Variants in DNAH6 observed in about 807,000 individuals in gnomAD.
DNAH6 encodes dynein axonemal heavy chain 6.
Under a neutral mutation model 491.4 loss-of-function variants are expected in DNAH6, and 340 were observed. The observed-to-expected ratio is 0.69, with a 90% CI of 0.63 to 0.76. The LOEUF is 0.76. Ranked by LOEUF, DNAH6 falls within the 30% of genes least tolerant of loss-of-function variation. DNAH6 has a pLI of 0.00. For missense variants in DNAH6, 4,443 were observed against 4,972.2 expected, an observed-to-expected ratio of 0.89 and a Z score of 3.20; for synonymous variants, 1,603 against 1,686.1, an observed-to-expected ratio of 0.95 and a Z score of 1.21.
At chr2:84,647,324 G>T (rs909330008) in intron 33 of DNAH6, among the ~76,000 whole-genome samples, 4 of 152,186 alleles carry the variant, frequency 2.6e-5, no homozygotes, top group African/African-American at 9.7e-5. Flanking sequence ...AAGTTATCCA[G>T]ATCTAGCTAA....
rs368161435 is a variant in DNAH6 at position 84,720,480 on chromosome 2, G to A, written c.9792+2096G>A. 2.3e-4 allele frequency among the ~76,000 whole-genome samples: 35 copies of A among 151,064 alleles called. No homozygotes were observed. The East Asian group carries it at 5.8e-3, about 25-fold the overall frequency. On this transcript the variant is annotated intron_variant, in intron 59 of 76. Coordinates refer to ENST00000389394, the MANE Select transcript of DNAH6 (RefSeq NM_001370.2). ...TTTTTAGTAGAGACGGGGTTTCACC[G>A]TTTTAGCTGGGATGGTCTTGATCTC...
In DNAH6 at chr2:84,547,321, T is replaced by C; in HGVS notation, c.984T>C (p.Phe328=). Residue 328 remains phenylalanine (F), a synonymous_variant, in exon 6 of 77, where the codon TTT becomes TTC. Coordinates refer to ENST00000389394, the MANE Select transcript of DNAH6 (RefSeq NM_001370.2). ...KINELCYHLS[F]MGLCYIEKCH... ...ATGAATTGTGTTATCATTTGAGTTT[T>C]ATGGGACTTTGTTATATTGAAAAGT... 2 of 1,551,136 alleles carry C rather than the reference T, an allele frequency of 1.3e-6. No homozygotes were observed. The highest frequency in any genetic ancestry group is 8.7e-7 in the Non-Finnish European group (1 of 1,146,684).
the DNAH6 span, among the ~76,000 whole-genome samples, chr2:84,500,430 T>C: frequency 6.6e-6 from 1 of 152,244 alleles, no homozygotes; most frequent in Admixed American, 6.5e-5. Context: ...ATGGTTACTA[T>C]AGCTCTGTAG....
At chr2:84,471,949 C>A in the DNAH6 span, among the ~76,000 whole-genome samples, 1,682 of 152,220 alleles carry the variant, frequency 0.011, 28 homozygotes, top group African/African-American at 0.039. Flanking sequence ...TTGGTGGGCA[C>A]CCACACAGGC....
chr2:84,670,249 C>T lies in DNAH6; in HGVS notation c.6307-79C>T, dbSNP rs1692600911. 3.1e-6 allele frequency: 3 copies of T among 979,508 alleles called. No individual in the cohort carries two copies. In the African/African-American group the frequency reaches 5.0e-5, roughly 16 times the overall value. The allele number at this position is 979,508 out of a possible 1,614,324, so 60.7% of individuals were successfully genotyped here. ...CTCTCTCTTTTTATCCTGTTTCTTACTCATTGTGCCAAACTATTACAGATA... is the reference window on the plus strand; with the variant it reads ...CTCTCTCTTTTTATCCTGTTTCTTATTCATTGTGCCAAACTATTACAGATA... On this transcript the variant is annotated intron_variant, in intron 38 of 76. Transcript: ENST00000389394.
At chr2:84,620,428 A>G (rs1489869935) in intron 24 of DNAH6, among the ~76,000 whole-genome samples, 1 of 152,208 alleles carries the variant, frequency 6.6e-6, no homozygotes, top group African/African-American at 2.4e-5. Flanking sequence ...GGGAACACCA[A>G]GAGAGTGAAT....
chr2:84,715,373 T>G (rs1697422686), intron 57 of DNAH6, among the ~76,000 whole-genome samples, 187 bp from the exon 58 acceptor site: 1 of 152,220 alleles, frequency 6.6e-6, no homozygotes, highest in Admixed American at 6.5e-5. Context: ...TTACTCATAC[T>G]GGCAGGGAAA....
At chr2:84,579,722 A>G in intron 14 of DNAH6, 43 bp downstream of exon 14, 1 of 1,486,432 alleles carries the variant, frequency 6.7e-7, no homozygotes. Flanking sequence ...CAGATCTTAT[A>G]GTAGGAAGGA....
chr2:84,609,155 G>C (rs942772228), intron 21 of DNAH6, among the ~76,000 whole-genome samples: 1 of 152,170 alleles, frequency 6.6e-6, no homozygotes, highest in Admixed American at 6.5e-5. Context: ...GTTATGGTTG[G>C]TTTGATCTTC....
At chr2:84,579,501 C>A in intron 13 of DNAH6, 26 bp from the exon 14 acceptor site, 1 of 1,610,102 alleles carries the variant, frequency 6.2e-7, no homozygotes, top group Non-Finnish European at 8.5e-7. Context: ...CGACTATTTA[C>A]AATTCACACG....
chr2:84,479,887 ATCT>A, the DNAH6 span, among the ~76,000 whole-genome samples: 13 of 152,238 alleles, frequency 8.5e-5, no homozygotes, highest in African/African-American at 3.1e-4. Flanking sequence ...TCCACCATTC[ATCT>A]TCTTCAGCAT....
rs908500346 is a variant in DNAH6, at chr2:84,762,983, A to G, written c.10703+38A>G. 4.1e-6 allele frequency: 6 copies of G among 1,461,948 alleles called. No individual in the cohort carries two copies. In the East Asian group the frequency reaches 7.4e-5, roughly 18 times the overall value. 90.6% of individuals were successfully genotyped at this position (1,461,948 alleles called of 1,614,324 possible). A position where few individuals can be genotyped will look rare whatever the true frequency, so the allele number is the denominator to read the frequency against. On this transcript the variant is annotated intron_variant, in intron 64 of 76. Coordinates refer to ENST00000389394, the MANE Select transcript of DNAH6 (RefSeq NM_001370.2). ...TGTGCAGTTTTAATAATGCAAATGC[A>G]TATGAACATCTCTTTGTTAAAATTT...
chr2:84,612,427 G>A (rs1446752304), intron 22 of DNAH6, among the ~76,000 whole-genome samples: 1 of 152,050 alleles, frequency 6.6e-6, no homozygotes, highest in African/African-American at 2.4e-5. Flanking sequence ...TAAAGTAAAA[G>A]CCTTGGCAAG....
chr2:84,745,296 TA>T, intron 63 of DNAH6, 47 bp downstream of exon 63: 1 of 1,264,784 alleles, frequency 7.9e-7, no homozygotes. Context: ...TTATTTCTAC[TA>T]AAGCTCACTA....
chr2:84,492,966 C>G, the DNAH6 span, among the ~76,000 whole-genome samples: 1 of 152,068 alleles, frequency 6.6e-6, no homozygotes, highest in African/African-American at 2.4e-5. Context: ...GGTACTTTAT[C>G]TTGACATGGT....
the DNAH6 span, among the ~76,000 whole-genome samples, chr2:84,474,458 A>G: frequency 6.6e-6 from 1 of 152,074 alleles, no homozygotes; most frequent in East Asian, 1.9e-4. Flanking sequence ...TGACACCCCA[A>G]TCCGGTCCAA....
In DNAH6 at chr2:84,624,558, C is replaced by G; in HGVS notation, c.4291C>G (p.Gln1431Glu). 1 of 1,551,678 alleles carries G rather than the reference C, an allele frequency of 6.4e-7. No individual in the cohort carries two copies. The highest frequency in any genetic ancestry group is 8.7e-7 in the Non-Finnish European group (1 of 1,146,952). Residue 1431 changes from glutamine (Q) to glutamate (E), a missense_variant, in exon 28 of 77, where the codon CAG (glutamine) becomes GAG (glutamate). Physicochemically the swap from Gln to Glu is conservative, Grantham distance 29. Coordinates refer to ENST00000389394, the MANE Select transcript of DNAH6 (RefSeq NM_001370.2). ...TTGTGTGGCTAGAATGGCGCTCTCTCAGTACACTTATGGCTATGAATATTT... is the reference window on the plus strand; with the variant it reads ...TTGTGTGGCTAGAATGGCGCTCTCTGAGTACACTTATGGCTATGAATATTT... ...DNCVARMALS[Q>E]YTYGYEYLGA...
chr2:84,663,917 G>A (rs1441119777), intron 37 of DNAH6, among the ~76,000 whole-genome samples: 1 of 152,186 alleles, frequency 6.6e-6, no homozygotes, highest in Non-Finnish European at 1.5e-5. Flanking sequence ...AACTCTAAAA[G>A]CCAAAAGAGA....
At chr2:84,513,957 A>G (rs1675432563), upstream of DNAH6, among the ~76,000 whole-genome samples, 1 of 152,048 alleles carries the variant, frequency 6.6e-6, no homozygotes, top group Admixed American at 6.6e-5. Flanking sequence ...AGTCCAACCT[A>G]TTACTGAGGG....
Sources: gnomAD v4.1 joint callset for allele counts (sites outside exome capture counted in the v4.1 genomes callset) on GRCh38, gnomAD v4.1.1 for gene constraint, MANE v1.5 for transcripts, NCBI Gene and HGNC (gene_info 2026-07-23, HGNC 2026-07-21) for gene names.